TMEM17: variants seen among roughly 807,000 people sequenced by gnomAD.
The protein encoded by TMEM17 is transmembrane protein 17.
Under a neutral mutation model 19.1 loss-of-function variants are expected in TMEM17, and 15 were observed. The observed-to-expected ratio is 0.78, with a 90% CI of 0.52 to 1.21. The LOEUF (loss-of-function observed/expected upper bound fraction) is 1.21. TMEM17 is among the 50% of genes most tolerant of loss of function. The pLI is 0.00. For synonymous variants in TMEM17, 103 were observed against 86.9 expected, an observed-to-expected ratio of 1.19 and a Z score of -1.03; for missense variants, 245 against 242.3, an observed-to-expected ratio of 1.01 and a Z score of -0.07.
intron 1 of TMEM17, among the ~76,000 whole-genome samples, 191 bp downstream of exon 1, chr2:62,505,839 G>C (rs377525350): frequency 2.0e-5 from 3 of 152,314 alleles, no homozygotes; most frequent in Admixed American, 6.5e-5. Flanking sequence ...AGGCCCGGCC[G>C]GGGGCGGGAG....
At chr2:62,472,356 C>A in the TMEM17 span, among the ~76,000 whole-genome samples, 1 of 152,124 alleles carries the variant, frequency 6.6e-6, no homozygotes, top group African/African-American at 2.4e-5. Flanking sequence ...AATGAGAAGC[C>A]CTTCATGGTC....
At chr2:62,480,958 A>G in the TMEM17 span, among the ~76,000 whole-genome samples, 1 of 151,938 alleles carries the variant, frequency 6.6e-6, no homozygotes, top group Non-Finnish European at 1.5e-5. Flanking sequence ...GGAGTATGTC[A>G]TTGGTATTTT....
downstream of TMEM17, among the ~76,000 whole-genome samples, chr2:62,495,277 G>T (rs1182031388): frequency 1.3e-5 from 2 of 152,198 alleles, no homozygotes; most frequent in Non-Finnish European, 2.9e-5. Context: ...AGCCTGTCTT[G>T]ACTTGGGTTA....
At chr2:62,464,708 C>A in the TMEM17 span, among the ~76,000 whole-genome samples, 1 of 152,182 alleles carries the variant, frequency 6.6e-6, no homozygotes, top group Non-Finnish European at 1.5e-5. Context: ...TATTCAAATC[C>A]GTCTCCCGGA....
chr2:62,488,995 C>T, the TMEM17 span, among the ~76,000 whole-genome samples: 1 of 152,110 alleles, frequency 6.6e-6, no homozygotes, highest in African/African-American at 2.4e-5. Flanking sequence ...ACAATGGTGC[C>T]TTCCACGGAC....
the TMEM17 span, among the ~76,000 whole-genome samples, chr2:62,464,731 C>T: frequency 3.3e-5 from 5 of 152,214 alleles, no homozygotes; most frequent in South Asian, 2.1e-4. Flanking sequence ...ATTCAGGGAT[C>T]GGAGTTTTTA....
chr2:62,485,393 C>G, the TMEM17 span, among the ~76,000 whole-genome samples: 1 of 152,216 alleles, frequency 6.6e-6, no homozygotes, highest in Non-Finnish European at 1.5e-5. Flanking sequence ...TATGTATTAT[C>G]TTACTCTAGT....
chr2:62,461,745 C>G, the TMEM17 span, among the ~76,000 whole-genome samples: 14 of 152,294 alleles, frequency 9.2e-5, no homozygotes, highest in East Asian at 3.9e-4. Context: ...TTAGCTGTCC[C>G]GGTGATTCAG....
rs1558722710 is a variant in TMEM17, at chr2:62,501,381, G to A, written c.425C>T (p.Ala142Val). Residue 142 changes from alanine (A) to valine (V), a missense_variant, in exon 4 of 4, where the codon GCG becomes GTG. Ala to Val is a moderately conservative substitution (Grantham distance 64). Coordinates refer to ENST00000335390, the MANE Select transcript of TMEM17 (RefSeq NM_198276.3). ...GAAGAGAGTGAAGATGATATGTATC[G>A]CTTTTTCCAAGGGCAGATTTGTTAG... Reference protein sequence around the residue: ...EGLTNLPLEKAIHIIFTLFLA... With the variant: ...EGLTNLPLEKVIHIIFTLFLA... 6.8e-6 allele frequency: 11 copies of A among 1,614,170 alleles called. No homozygotes were observed. The highest frequency in any genetic ancestry group is 1.3e-5 in the African/African-American group (1 of 75,050).
the TMEM17 span, among the ~76,000 whole-genome samples, chr2:62,495,134 G>A: frequency 7.9e-5 from 12 of 152,182 alleles, no homozygotes; most frequent in African/African-American, 2.9e-4. Context: ...GCTCTTTTCA[G>A]ACAAGAATGT....
chr2:62,492,625 C>T, the TMEM17 span, among the ~76,000 whole-genome samples: 4 of 152,214 alleles, frequency 2.6e-5, no homozygotes, highest in Admixed American at 1.3e-4. Flanking sequence ...GTTCTAACAA[C>T]TTGCTTATTC....
At chr2:62,473,642 T>G in the TMEM17 span, among the ~76,000 whole-genome samples, 4 of 152,202 alleles carry the variant, frequency 2.6e-5, no homozygotes, top group Non-Finnish European at 4.4e-5. Context: ...CTACACACTT[T>G]CCTACTGTTT....
At chr2:62,486,658 T>C in the TMEM17 span, among the ~76,000 whole-genome samples, 1 of 151,960 alleles carries the variant, frequency 6.6e-6, no homozygotes, top group South Asian at 2.1e-4. Flanking sequence ...AGACTGAAAA[T>C]AGAGGGAATG....
chr2:62,492,729 A>T, the TMEM17 span, among the ~76,000 whole-genome samples: 2 of 152,214 alleles, frequency 1.3e-5, no homozygotes, highest in Admixed American at 6.5e-5. Flanking sequence ...TGTCCCCAAG[A>T]TGCTCAGTGA....
At chr2:62,469,857 G>A in the TMEM17 span, among the ~76,000 whole-genome samples, 1 of 152,226 alleles carries the variant, frequency 6.6e-6, no homozygotes, top group Non-Finnish European at 1.5e-5. Context: ...GGCTGCCTGG[G>A]CAGCCTGGGT....
the TMEM17 span, among the ~76,000 whole-genome samples, chr2:62,485,226 T>A: frequency 6.6e-6 from 1 of 152,214 alleles, no homozygotes. Flanking sequence ...AGGCATAAGC[T>A]ACCACGCCCA....
chr2:62,465,868 G>A, the TMEM17 span, among the ~76,000 whole-genome samples: 3 of 152,176 alleles, frequency 2.0e-5, no homozygotes, highest in South Asian at 4.1e-4. Flanking sequence ...GGTGGGTAGG[G>A]GGCGTAAGTT....
At chr2:62,475,814 C>G in the TMEM17 span, among the ~76,000 whole-genome samples, 47 of 152,280 alleles carry the variant, frequency 3.1e-4, no homozygotes, top group Non-Finnish European at 5.4e-4. Flanking sequence ...AAATCAGGAA[C>G]AAAACATGAC....
chr2:62,498,433 T>G (rs1679826900), downstream of TMEM17, among the ~76,000 whole-genome samples: 2 of 149,494 alleles, frequency 1.3e-5, no homozygotes, highest in South Asian at 4.2e-4. Context: ...TAAAATAATT[T>G]TGGCCGGGCG....
Sources: allele counts gnomAD v4.1 joint callset (sites outside exome capture counted in the v4.1 genomes callset), GRCh38; gene constraint gnomAD v4.1.1; transcripts MANE v1.5; gene names NCBI Gene and HGNC (gene_info 2026-07-23, HGNC 2026-07-21).